B3GALT1: variants seen among roughly 807,000 people sequenced by gnomAD.
B3GALT1 encodes the protein beta-1,3-galactosyltransferase 1.
A neutral mutation model predicts 23.2 loss-of-function variants in B3GALT1; 10 were observed. The observed-to-expected ratio is 0.43, with a 90% confidence interval of 0.27 to 0.73. The LOEUF is 0.73. Among genes scored for constraint, B3GALT1 ranks in the 30% least tolerant of loss-of-function variants. B3GALT1 has a pLI of 0.21. For missense variants in B3GALT1, 299 were observed against 405.4 expected (o/e 0.74, Z 2.25); for synonymous variants, 156 against 141.5 (o/e 1.10, Z -0.73).
intron 3 of B3GALT1, among the ~76,000 whole-genome samples, chr2:167,754,158 G>A (rs866606536): frequency 6.6e-5 from 10 of 152,182 alleles, no homozygotes; most frequent in African/African-American, 2.4e-4. Flanking sequence ...TATCTGTGAT[G>A]AATTGTTATC....
chr2:167,732,059 T>A (rs1687418660), intron 3 of B3GALT1, among the ~76,000 whole-genome samples: 1 of 152,176 alleles, frequency 6.6e-6, no homozygotes, highest in African/African-American at 2.4e-5. Flanking sequence ...TATAATACAT[T>A]TCTATGTGAA....
chr2:167,432,951 G>T (rs986970610), intron 1 of B3GALT1, among the ~76,000 whole-genome samples: 3 of 152,074 alleles, frequency 2.0e-5, no homozygotes, highest in Non-Finnish European at 4.4e-5. Context: ...AAATTCTGTG[G>T]TTTACATTGG....
At chr2:167,738,687 A>T (rs1687529100) in intron 3 of B3GALT1, among the ~76,000 whole-genome samples, 1 of 152,204 alleles carries the variant, frequency 6.6e-6, no homozygotes, top group Admixed American at 6.5e-5. Flanking sequence ...AAAACTGAAA[A>T]GAGAGATTTC....
chr2:167,825,102 G>A (rs762873145), intron 4 of B3GALT1, among the ~76,000 whole-genome samples: 50 of 151,864 alleles, frequency 3.3e-4, no homozygotes, highest in Non-Finnish European at 5.3e-4. Context: ...TGGCTAACAC[G>A]ATGAAACCCC....
At position 167,446,838 on chromosome 2, in the gene B3GALT1, A is replaced by G. The variant is rs1160692941; in HGVS notation, c.-510-43339A>G. Among the ~76,000 whole-genome samples, 7 of 149,368 alleles carry G rather than the reference A, an allele frequency of 4.7e-5. 1 individual carries two copies. The South Asian group carries it at 1.3e-3, about 27-fold the overall frequency. ...TCCTTTAGCTCAGAGAAGTTTGATC[A>G]TCTGAAGCCTTCTTCTCTCAAATCG... On this transcript the variant is annotated intron_variant, in intron 1 of 4. Coordinates refer to ENST00000392690, the MANE Select transcript of B3GALT1 (RefSeq NM_020981.4).
At chr2:167,431,426 T>C (rs1487573357) in intron 1 of B3GALT1, among the ~76,000 whole-genome samples, 2 of 152,178 alleles carry the variant, frequency 1.3e-5, no homozygotes, top group African/African-American at 4.8e-5. Flanking sequence ...AATAATTAAA[T>C]GGCTAAAATA....
chr2:167,857,822 A>G (rs543904086), intron 4 of B3GALT1, among the ~76,000 whole-genome samples: 24 of 152,272 alleles, frequency 1.6e-4, no homozygotes, highest in African/African-American at 5.8e-4. Flanking sequence ...GTGCATTTCT[A>G]GAACAATTTA....
intron 2 of B3GALT1, among the ~76,000 whole-genome samples, chr2:167,616,937 A>G (rs1216860822): frequency 1.3e-5 from 2 of 152,142 alleles, no homozygotes; most frequent in African/African-American, 2.4e-5. Context: ...TTTGAAGCAG[A>G]CAATCATGTC....
chr2:167,643,406 G>A (rs1401136994), intron 2 of B3GALT1, among the ~76,000 whole-genome samples: 1 of 152,054 alleles, frequency 6.6e-6, no homozygotes, highest in Non-Finnish European at 1.5e-5. Context: ...TTGCTGGCCA[G>A]AGAGGTGCAC....
intron 3 of B3GALT1, among the ~76,000 whole-genome samples, chr2:167,770,173 C>G (rs1688048808): frequency 6.6e-6 from 1 of 152,198 alleles, no homozygotes; most frequent in Non-Finnish European, 1.5e-5. Flanking sequence ...GTGGTGTGAT[C>G]ATAGCTCACT....
At chr2:167,717,513 T>C (rs1687170601) in intron 3 of B3GALT1, among the ~76,000 whole-genome samples, 1 of 152,168 alleles carries the variant, frequency 6.6e-6, no homozygotes, top group East Asian at 1.9e-4. Context: ...AACTTACTTA[T>C]TAAAAGTACT....
At chr2:167,747,612 T>C (rs1687672134) in intron 3 of B3GALT1, among the ~76,000 whole-genome samples, 1 of 152,196 alleles carries the variant, frequency 6.6e-6, no homozygotes, top group African/African-American at 2.4e-5. Context: ...TGCCCAACCT[T>C]GGTCCTAAGT....
At chr2:167,390,879 T>C (rs1698007312) in intron 1 of B3GALT1, among the ~76,000 whole-genome samples, 1 of 152,240 alleles carries the variant, frequency 6.6e-6, no homozygotes, top group African/African-American at 2.4e-5. Flanking sequence ...CTTCCTGCTT[T>C]AACAACTACC....
intron 1 of B3GALT1, among the ~76,000 whole-genome samples, chr2:167,473,644 G>A (rs1192858321): frequency 6.6e-6 from 1 of 152,104 alleles, no homozygotes; most frequent in Non-Finnish European, 1.5e-5. Context: ...CTAGAAAGGG[G>A]CTGCCTTTGG....
At chr2:167,456,317 A>G (rs1699173564) in intron 1 of B3GALT1, among the ~76,000 whole-genome samples, 1 of 152,316 alleles carries the variant, frequency 6.6e-6, no homozygotes, top group African/African-American at 2.4e-5. Flanking sequence ...CACTAAGGTG[A>G]TGGAGCTAAG....
At chr2:167,391,368 A>T (rs984026786) in intron 1 of B3GALT1, among the ~76,000 whole-genome samples, 6 of 152,194 alleles carry the variant, frequency 3.9e-5, no homozygotes, top group African/African-American at 1.4e-4. Flanking sequence ...TGTTATTCAG[A>T]AGCTTTCACA....
chr2:167,714,331 A>C (rs1178588885), intron 3 of B3GALT1: 10 of 1,495,970 alleles, frequency 6.7e-6, no homozygotes, highest in Non-Finnish European at 9.3e-6. Flanking sequence ...TTGACCTATC[A>C]CAGCTTGGTT....
At chr2:167,294,513 G>A (rs935796309) in intron 1 of B3GALT1, among the ~76,000 whole-genome samples, 9 of 152,242 alleles carry the variant, frequency 5.9e-5, no homozygotes, top group African/African-American at 1.7e-4. Context: ...GTAGTTCAGT[G>A]CAGTGGGTTC....
chr2:167,624,482 A>G (rs1685308311), intron 2 of B3GALT1, among the ~76,000 whole-genome samples: 1 of 152,046 alleles, frequency 6.6e-6, no homozygotes, highest in Admixed American at 6.6e-5. Context: ...TGTGCTAAGC[A>G]TTTTACATAT....
Sources: allele counts gnomAD v4.1 joint callset (sites outside exome capture counted in the v4.1 genomes callset), GRCh38; gene constraint gnomAD v4.1.1; transcripts MANE v1.5; gene names NCBI Gene and HGNC (gene_info 2026-07-23, HGNC 2026-07-21).